PSMG4: variants seen among roughly 807,000 people sequenced by gnomAD.
The protein encoded by PSMG4 is proteasome assembly chaperone 4.
In PSMG4, 10 loss-of-function variants were observed where a neutral mutation model predicts 11.0. The ratio of observed to expected loss-of-function variants is 0.91; its 90% CI spans 0.56 to 1.54. PSMG4 has a LOEUF of 1.54. Among genes scored for constraint, PSMG4 ranks in the 40% most tolerant of loss-of-function variants. The pLI is 0.00. For missense variants in PSMG4, 198 were observed against 160.9 expected, an observed-to-expected ratio of 1.23 and a Z score of -1.25; for synonymous variants, 95 against 71.3, an observed-to-expected ratio of 1.33 and a Z score of -1.68.
intron 1 of PSMG4, among the ~76,000 whole-genome samples, chr6:3,260,348 A>G (rs556927117): frequency 6.2e-4 from 81 of 130,878 alleles, no homozygotes; most frequent in African/African-American, 2.1e-3. Context: ...CTGGAGTGCA[A>G]TGGCGTGATC....
At chr6:3,258,552 T>G (rs1757841206), upstream of PSMG4, among the ~76,000 whole-genome samples, 1 of 152,194 alleles carries the variant, frequency 6.6e-6, no homozygotes. Context: ...ATCAGTCTTT[T>G]TAAATTTTTA....
chr6:3,254,482 G>A (rs565908504), upstream of PSMG4, among the ~76,000 whole-genome samples: 13 of 152,114 alleles, frequency 8.5e-5, no homozygotes, highest in East Asian at 3.9e-4. Flanking sequence ...GATAAATATT[G>A]TTGCTGGTGG....
upstream of PSMG4, chr6:3,255,321 CG>C (rs1313103878): frequency 6.7e-7 from 1 of 1,498,682 alleles, no homozygotes; most frequent in Non-Finnish European, 8.9e-7. Flanking sequence ...ATGAGGCTAA[CG>C]GCAACTGGTG....
upstream of PSMG4, among the ~76,000 whole-genome samples, chr6:3,254,458 TG>T (rs1477708055): frequency 5.6e-5 from 8 of 143,060 alleles, no homozygotes; most frequent in Admixed American, 1.4e-4. Context: ...CTGCTTTTTT[TG>T]TGTGTCTTTT....
At chr6:3,257,765 T>G (rs1272805144), upstream of PSMG4, among the ~76,000 whole-genome samples, 2 of 152,232 alleles carry the variant, frequency 1.3e-5, no homozygotes, top group East Asian at 3.8e-4. Flanking sequence ...GAGGGAGTAC[T>G]GGACGCGTTC....
intron 1 of PSMG4, among the ~76,000 whole-genome samples, chr6:3,259,397 C>G (rs1286831879): frequency 1.3e-5 from 2 of 152,238 alleles, no homozygotes; most frequent in East Asian, 1.9e-4. Flanking sequence ...CCCCGGGCCC[C>G]TCTCCTTGTC....
chr6:3,262,748 C>G (rs1758036834), intron 1 of PSMG4, among the ~76,000 whole-genome samples: 2 of 151,824 alleles, frequency 1.3e-5, no homozygotes, highest in Admixed American at 6.6e-5. Context: ...TCCTAGAAAT[C>G]TGCTATTTTG....
At chr6:3,262,979 G>T (rs1320616175) in intron 1 of PSMG4, among the ~76,000 whole-genome samples, 1 of 152,084 alleles carries the variant, frequency 6.6e-6, no homozygotes, top group Non-Finnish European at 1.5e-5. Flanking sequence ...CATTGTTAAT[G>T]GTGAGAGATT....
At chr6:3,255,075 T>G (rs1757708437), upstream of PSMG4, 3 of 1,551,002 alleles carry the variant, frequency 1.9e-6, no homozygotes, top group East Asian at 2.4e-5. Context: ...GGAATATGCT[T>G]CTATTCCTAA....
In PSMG4 at chr6:3,259,092, C is replaced by T; in HGVS notation, c.70C>T (p.Gln24Ter). 1 of 1,272,306 alleles carries T rather than the reference C, an allele frequency of 7.9e-7. No individual in the cohort carries two copies. The highest frequency in any genetic ancestry group is 9.9e-7 in the Non-Finnish European group (1 of 1,007,178). The allele number at this position is 1,272,306 out of a possible 1,614,324, so 78.8% of individuals were successfully genotyped here. ...LHNFSARLWE[Q>*]LVHFHVMRLT... ...CAACTTCAGCGCGAGGCTGTGGGAG[C>T]AGCTGGTCCACTTCCACGTCATGCG... is the stretch of plus-strand genomic sequence containing the variant. The change falls in exon 1 of 3, where the codon CAG (glutamine) becomes TAG (stop). Residue 24 changes from glutamine to a stop codon, truncating the protein, a stop_gained. Coordinates refer to ENST00000438998, the MANE Select transcript of PSMG4 (RefSeq NM_001128591.2). LOFTEE classifies it high-confidence loss of function.
At chr6:3,259,243 G>T (rs1447343729) in intron 1 of PSMG4, 47 bp downstream of exon 1, 19 of 1,245,176 alleles carry the variant, frequency 1.5e-5, no homozygotes, top group Non-Finnish European at 1.7e-5. Context: ...CGGGGGCGCG[G>T]GGGCGCCGGG....
upstream of PSMG4, among the ~76,000 whole-genome samples, chr6:3,257,990 A>G (rs1177073351): frequency 1.3e-5 from 2 of 152,268 alleles, no homozygotes; most frequent in African/African-American, 4.8e-5. Flanking sequence ...ACTTAGATCT[A>G]TTAGAGATTT....
At position 3,267,712 on chromosome 6, in the gene PSMG4, G is replaced by T. The variant is rs1300750796; in HGVS notation, c.372G>T (p.Ter124TyrextTer9). 6.4e-7 allele frequency: 1 copy of T among 1,551,802 alleles called. No individual in the cohort carries two copies. Among genetic ancestry groups the T allele is most frequent in the Non-Finnish European group, 8.7e-7 (1 of 1,146,892 alleles). The change falls in exon 3 of 3, where the codon TAG becomes TAT. Residue 124 changes from the stop codon to tyrosine, a stop_lost. Transcript: ENST00000438998. ...EEMEAFPEKF* is the reference protein window; with the variant it reads ...EEMEAFPEKFY ...TGGAGGCTTTCCCCGAAAAGTTCTA[G>T]CTGAGTGGCAGAAGTGAGAATTTGT...
Position 3,267,635 on chromosome 6 carries a change from A to G in PSMG4, c.295A>G (p.Asn99Asp). The change falls in exon 3 of 3, where the codon AAC becomes GAC. Residue 99 changes from asparagine to aspartate, a missense_variant. By Grantham distance (23) the Asn-to-Asp change is conservative. Transcript: ENST00000438998. ...GGTGTTTGTCAGCTATAACCTTCAGAACACAGACAGTAACTTCGCATTACT... is the reference window on the plus strand; with the variant it reads ...GGTGTTTGTCAGCTATAACCTTCAGGACACAGACAGTAACTTCGCATTACT... ...KQVFVSYNLQ[N>D]TDSNFALLVE... 6.4e-7 allele frequency: 1 copy of G among 1,552,160 alleles called. No individual in the cohort carries two copies. The highest frequency in any genetic ancestry group is 8.7e-7 in the Non-Finnish European group (1 of 1,147,056).
intron 1 of PSMG4, among the ~76,000 whole-genome samples, chr6:3,259,933 A>G (rs1314358650): frequency 6.6e-6 from 1 of 152,132 alleles, no homozygotes; most frequent in Non-Finnish European, 1.5e-5. Flanking sequence ...GCTTAAAACA[A>G]CAGAGGTTTA....
upstream of PSMG4, among the ~76,000 whole-genome samples, chr6:3,258,596 G>A (rs1757842358): frequency 6.6e-6 from 1 of 152,126 alleles, no homozygotes; most frequent in Non-Finnish European, 1.5e-5. Context: ...AAGTGTCACG[G>A]CCTGGGAGGA....
upstream of PSMG4, among the ~76,000 whole-genome samples, chr6:3,255,874 G>A (rs5873868): frequency 6.6e-6 from 1 of 151,794 alleles, no homozygotes; most frequent in Non-Finnish European, 1.5e-5. Context: ...AAATTGTTTT[G>A]TCTTCCTCTT....
chr6:3,262,140 G>GGCCCGT (rs892924441), intron 1 of PSMG4, among the ~76,000 whole-genome samples: 1 of 152,178 alleles, frequency 6.6e-6, no homozygotes, highest in African/African-American at 2.4e-5. Flanking sequence ...CTGGGACCTG[G>GGCCCGT]GCCCGTGCCT....
At chr6:3,258,885 A>G (rs1757852049), upstream of PSMG4, 1 of 849,504 alleles carries the variant, frequency 1.2e-6, no homozygotes, top group Admixed American at 4.4e-5. Context: ...CTCCCCGACC[A>G]CGCCCCTCAC....
Sources: allele counts gnomAD v4.1 joint callset (sites outside exome capture counted in the v4.1 genomes callset), GRCh38; gene constraint gnomAD v4.1.1; transcripts MANE v1.5; gene names NCBI Gene and HGNC (gene_info 2026-07-23, HGNC 2026-07-21).